SMAP1: variants seen among roughly 807,000 people sequenced by gnomAD.
The protein encoded by SMAP1 is stromal membrane-associated protein 1.
In SMAP1, 24 loss-of-function variants were observed where a neutral mutation model predicts 58.5. The ratio of observed to expected loss-of-function variants is 0.41; its 90% CI spans 0.30 to 0.58. The LOEUF (loss-of-function observed/expected upper bound fraction) is 0.58. Ranked by LOEUF, SMAP1 falls within the 20% of genes least tolerant of loss-of-function variation. SMAP1 has a pLI of 0.29. For synonymous variants in SMAP1, 216 were observed against 196.6 expected, an observed-to-expected ratio of 1.10 and a Z score of -0.82; for missense variants, 563 against 566.3, an observed-to-expected ratio of 0.99 and a Z score of 0.06.
At chr6:70,692,466 G>A (rs922885097) in intron 1 of SMAP1, among the ~76,000 whole-genome samples, 5 of 152,112 alleles carry the variant, frequency 3.3e-5, no homozygotes, top group African/African-American at 1.2e-4. Context: ...TTTTGCTTTG[G>A]TTGCCTGTGT....
chr6:70,794,828 G>A (rs80122013), intron 5 of SMAP1, among the ~76,000 whole-genome samples: 2,835 of 132,952 alleles, frequency 0.021, 44 homozygotes, highest in Non-Finnish European at 0.027. Flanking sequence ...TCACTCTGTC[G>A]CCCAGGTTGG....
chr6:70,768,067 A>G (rs1212882590), intron 3 of SMAP1, among the ~76,000 whole-genome samples: 3 of 152,008 alleles, frequency 2.0e-5, no homozygotes, highest in African/African-American at 7.3e-5. Context: ...TGATTTGTGT[A>G]TATTGAACCA....
chr6:70,849,179 G>A (rs1276710172), intron 7 of SMAP1, among the ~76,000 whole-genome samples: 1 of 152,132 alleles, frequency 6.6e-6, no homozygotes, highest in Non-Finnish European at 1.5e-5. Context: ...AGGTTTTTGG[G>A]GGGGTATGAA....
intron 1 of SMAP1, among the ~76,000 whole-genome samples, chr6:70,682,731 C>T (rs1766770799): frequency 6.6e-6 from 1 of 152,086 alleles, no homozygotes; most frequent in Admixed American, 6.6e-5. Context: ...TTTACCTTCC[C>T]ACCACTACTA....
rs367560262 is a variant in SMAP1, at chr6:70,802,122, C to T, written c.576+3385C>T. On this transcript the variant is annotated intron_variant, in intron 6 of 10. Coordinates refer to ENST00000370455, the MANE Select transcript of SMAP1 (RefSeq NM_001044305.3). The stretch of plus-strand genomic sequence containing the variant: ...ACCTTGGGCAGTATGGCCATTTTCA[C>T]GATATTAATTCTTCGTATCTATGAG... Among the ~76,000 whole-genome samples the T allele has an allele frequency of 7.4e-4, 112 of 152,218 alleles. 2 individuals are homozygous for T. Among genetic ancestry groups the T allele is most frequent in the African/African-American group, 2.4e-3 (98 of 41,530 alleles).
chr6:70,759,845 A>C (rs1766675131), intron 3 of SMAP1: 1 of 447,682 alleles, frequency 2.2e-6, no homozygotes, highest in Non-Finnish European at 4.5e-6. Context: ...ATAATACTGG[A>C]AACAACAGCT....
chr6:70,748,923 A>G (rs1208922198), intron 2 of SMAP1, among the ~76,000 whole-genome samples: 1 of 152,096 alleles, frequency 6.6e-6, no homozygotes, highest in African/African-American at 2.4e-5. Flanking sequence ...ATACATTTTT[A>G]TATCCTTACA....
intron 4 of SMAP1, among the ~76,000 whole-genome samples, chr6:70,790,582 T>C (rs770798238): frequency 1.3e-5 from 2 of 152,100 alleles, no homozygotes; most frequent in Non-Finnish European, 2.9e-5. Flanking sequence ...TTAATATTCA[T>C]TAAGTGGCTA....
At chr6:70,805,259 A>G (rs1211682497) in intron 6 of SMAP1, among the ~76,000 whole-genome samples, 1 of 152,064 alleles carries the variant, frequency 6.6e-6, no homozygotes, top group East Asian at 1.9e-4. Context: ...TTGATCTTCA[A>G]TCACTGATAT....
At chr6:70,725,838 T>G (rs767106343) in intron 1 of SMAP1, among the ~76,000 whole-genome samples, 16 of 152,248 alleles carry the variant, frequency 1.1e-4, no homozygotes, top group Non-Finnish European at 2.1e-4. Flanking sequence ...AGCAAACTTA[T>G]AATAATTTTA....
chr6:70,831,201 A>G (rs186738975), intron 6 of SMAP1, among the ~76,000 whole-genome samples: 2 of 152,276 alleles, frequency 1.3e-5, no homozygotes, highest in Admixed American at 1.3e-4. Context: ...GAATATGGCA[A>G]TATTAGGCAT....
At chr6:70,835,726 C>T (rs985424793) in intron 6 of SMAP1, among the ~76,000 whole-genome samples, 1 of 152,066 alleles carries the variant, frequency 6.6e-6, no homozygotes, top group Non-Finnish European at 1.5e-5. Context: ...AGGCTGGTCT[C>T]AAACTCCTGG....
chr6:70,690,125 G>T (rs1767097438), intron 1 of SMAP1, among the ~76,000 whole-genome samples: 1 of 152,022 alleles, frequency 6.6e-6, no homozygotes, highest in African/African-American at 2.4e-5. Flanking sequence ...TTTTGTTCCT[G>T]ATACTAAGGG....
intron 6 of SMAP1, among the ~76,000 whole-genome samples, chr6:70,804,735 T>G (rs566714696): frequency 6.6e-6 from 1 of 152,276 alleles, no homozygotes; most frequent in African/African-American, 2.4e-5. Flanking sequence ...GTAAAGTATT[T>G]TATTTCTCCT....
At position 70,771,712 on chromosome 6, in the gene SMAP1, G is replaced by A. The variant is rs541075478; in HGVS notation, c.339-1638G>A. Among the ~76,000 whole-genome samples the A allele has an allele frequency of 9.2e-5, 14 of 152,254 alleles. No individual in the cohort carries two copies. In the East Asian group the frequency reaches 2.5e-3, roughly 27 times the overall value. ...TGTCCCTTTGCGCTTCCCGAGTGAG[G>A]CAATGCCTCTCCCTGCTTCCGCTCG... On this transcript the variant is annotated intron_variant, in intron 3 of 10. Transcript: ENST00000370455.
intron 3 of SMAP1, among the ~76,000 whole-genome samples, chr6:70,767,734 C>A (rs914263524): frequency 7.0e-6 from 1 of 143,516 alleles, no homozygotes; most frequent in African/African-American, 2.7e-5. Flanking sequence ...AATTGAATAA[C>A]CCTTTATTTC....
intron 3 of SMAP1, among the ~76,000 whole-genome samples, chr6:70,768,931 A>G (rs1767135549): frequency 6.6e-6 from 1 of 151,824 alleles, no homozygotes; most frequent in Non-Finnish European, 1.5e-5. Flanking sequence ...AATGTGTCCC[A>G]GAGATTCTGG....
intron 1 of SMAP1, among the ~76,000 whole-genome samples, chr6:70,713,575 T>C (rs1385879521): frequency 1.3e-5 from 2 of 152,252 alleles, no homozygotes; most frequent in Non-Finnish European, 2.9e-5. Context: ...CTTCTTGTTA[T>C]CTAGTTCAAT....
intron 2 of SMAP1, among the ~76,000 whole-genome samples, chr6:70,742,664 G>A (rs117239000): frequency 0.01 from 1,592 of 152,184 alleles, 13 homozygotes; most frequent in Non-Finnish European, 0.016. Context: ...TATCTTTACA[G>A]CAGTGCCCCA....
Sources: allele counts gnomAD v4.1 joint callset (sites outside exome capture counted in the v4.1 genomes callset), GRCh38; gene constraint gnomAD v4.1.1; transcripts MANE v1.5; gene names NCBI Gene and HGNC (gene_info 2026-07-23, HGNC 2026-07-21).